Variants in RYR1 observed in about 807,000 individuals in gnomAD.
RYR1 encodes ryanodine receptor 1.
Under a neutral mutation model 583.5 loss-of-function variants are expected in RYR1, and 342 were observed. The ratio of observed to expected loss-of-function variants is 0.59; its 90% confidence interval spans 0.54 to 0.64. RYR1 has a LOEUF of 0.64. Among genes scored for constraint, RYR1 ranks in the 30% least tolerant of loss-of-function variants. The pLI is 0.00. For synonymous variants in RYR1, 2,791 were observed against 2,822.5 expected (o/e 0.99, Z 0.35); for missense variants, 6,032 against 6,917.2 (o/e 0.87, Z 4.54).
In RYR1 at chr19:38,473,423, T is replaced by G; in HGVS notation, c.3812T>G (p.Leu1271Arg). Reference protein sequence around the residue: ...GTVDTPPCLRLTHRTWGSQNS... With the variant: ...GTVDTPPCLRRTHRTWGSQNS... ...GTGGACACGCCCCCCTGCCTGCGCC[T>G]GACCCACCGCACCTGGGGCTCCCAG... The change falls in exon 28 of 106, where the codon CTG becomes CGG. Residue 1271 changes from leucine (L) to arginine (R), a missense_variant. Physicochemically the swap from Leu to Arg is moderately radical, Grantham distance 102. Transcript: ENST00000359596. 6.2e-7 allele frequency: 1 copy of G among 1,613,856 alleles called. No individual in the cohort carries two copies. Among genetic ancestry groups the G allele is most frequent in the Non-Finnish European group, 8.5e-7 (1 of 1,179,960 alleles).
At chr19:38,494,174 G>T (rs981759136) in intron 38 of RYR1, among the ~76,000 whole-genome samples, 178 bp from the exon 39 acceptor site, 3 of 151,950 alleles carry the variant, frequency 2.0e-5, no homozygotes, top group Admixed American at 6.5e-5. Context: ...GTCTCTAAAA[G>T]AAAAAAAGGA....
At chr19:38,511,699 A>G (rs1403255259) in intron 61 of RYR1, 89 bp downstream of exon 61, 2 of 1,469,232 alleles carry the variant, frequency 1.4e-6, no homozygotes, top group South Asian at 2.3e-5. Flanking sequence ...CTTAATTTGA[A>G]CAACCTTTGT....
At chr19:38,452,272 A>G (rs186157041) in intron 12 of RYR1, among the ~76,000 whole-genome samples, 1 of 151,968 alleles carries the variant, frequency 6.6e-6, no homozygotes, top group African/African-American at 2.4e-5. Context: ...CCCTGTCTCT[A>G]TAAAAAAAAT....
rs71165563 is a variant in RYR1, at chr19:38,566,448, C to CAAAA, written c.13438-437_13438-434dup. ...TGGGCGACAGAGCGAGACTCTGTCT[C>CAAAA]AAAAAAAAAAAAAAAAAAAAAAAAA... On this transcript the variant is annotated intron_variant, in intron 91 of 105. Transcript: ENST00000359596. Among the ~76,000 whole-genome samples the CAAAA allele has an allele frequency of 2.2e-3, 113 of 51,048 alleles. 6 individuals carry two copies. The highest frequency in any genetic ancestry group is 7.2e-3 in the African/African-American group (93 of 12,950). The allele number at this position is 51,048 out of a possible 152,430, so 33.5% of individuals were successfully genotyped here. A position where few individuals can be genotyped will look rare whatever the true frequency, so the allele number is the denominator to read the frequency against.
At chr19:38,456,149 T>A (rs1253761992) in intron 16 of RYR1, among the ~76,000 whole-genome samples, 1 of 144,910 alleles carries the variant, frequency 6.9e-6, no homozygotes, top group Non-Finnish European at 1.5e-5. Flanking sequence ...TTTTTGTATT[T>A]TTTTTTTAGT....
chr19:38,568,041 A>G, intron 93 of RYR1, 124 bp downstream of exon 93: 1 of 1,157,448 alleles, frequency 8.6e-7, no homozygotes. Flanking sequence ...GAAGAACCCT[A>G]GCTGGGGAAA....
intron 93 of RYR1, among the ~76,000 whole-genome samples, chr19:38,569,551 T>C (rs1230866911): frequency 2.2e-5 from 3 of 138,052 alleles, no homozygotes; most frequent in Non-Finnish European, 4.6e-5. Context: ...AGACCTTGAC[T>C]CAAAAAAAAA....
In RYR1 at chr19:38,448,765, T is replaced by C; in HGVS notation, c.1074T>C (p.Tyr358=). 1 of 1,614,162 alleles carries C rather than the reference T, an allele frequency of 6.2e-7. No homozygotes were observed. Among genetic ancestry groups the C allele is most frequent in the Non-Finnish European group, 8.5e-7 (1 of 1,180,030 alleles). ...QHVASGLWLT[Y]AAPDPKALRL... ...TGGCCTCAGGACTGTGGCTCACCTA[T>C]GCTGCTCCAGACCCCAAGGCCCTGC... The change falls in exon 11 of 106, where the codon TAT becomes TAC. Residue 358 remains tyrosine (Y), a synonymous_variant. Coordinates refer to ENST00000359596, the MANE Select transcript of RYR1 (RefSeq NM_000540.3).
At chr19:38,586,633 G>A in intron 105 of RYR1, 57 bp downstream of exon 105, 1 of 1,514,866 alleles carries the variant, frequency 6.6e-7, no homozygotes, top group Admixed American at 1.7e-5. Flanking sequence ...TTAACATAAG[G>A]CCAGTCAGTA....
At chr19:38,469,922 T>A (rs1487360920) in intron 27 of RYR1, among the ~76,000 whole-genome samples, 1 of 151,080 alleles carries the variant, frequency 6.6e-6, no homozygotes, top group East Asian at 2.0e-4. Context: ...AAAAAAAAAA[T>A]TAGCAAGGTG....
chr19:38,549,666 T>C (rs1296051092), intron 89 of RYR1, among the ~76,000 whole-genome samples: 3 of 151,402 alleles, frequency 2.0e-5, no homozygotes, highest in Admixed American at 1.3e-4. Context: ...TTCTATTTAC[T>C]ATTTACTCCA....
Position 38,502,908 on chromosome 19 carries a change from C to T in RYR1, c.7864C>T (p.Leu2622=), listed in dbSNP as rs370820784. 23 of 1,611,782 alleles carry T rather than the reference C, an allele frequency of 1.4e-5. 1 individual carries two copies. The highest frequency in any genetic ancestry group is 8.8e-5 in the South Asian group (8 of 91,082). ...RYIRPSMLQH[L]LRRLVFDVPI... ...CATCCGCCCGTCGATGCTGCAGCAC[C>T]TGTTGCGCCGCCTGGTGTTCGACGT... The change falls in exon 49 of 106, where the codon CTG becomes TTG. Residue 2622 remains leucine (L), a synonymous_variant. Transcript: ENST00000359596.
At chr19:38,479,873 T>G (rs6508804) in intron 31 of RYR1, among the ~76,000 whole-genome samples, 34,145 of 151,780 alleles carry the variant, frequency 0.22, 5,521 homozygotes, top group African/African-American at 0.45. Context: ...CGTGCCACCA[T>G]GCCCAGCTAA....
intron 51 of RYR1, 39 bp from the exon 52 acceptor site, chr19:38,504,963 AC>A: frequency 6.2e-7 from 1 of 1,613,824 alleles, no homozygotes; most frequent in Non-Finnish European, 8.5e-7. Flanking sequence ...GGTGGAGGGA[AC>A]CCCAGCTCCA....
chr19:38,520,609 C>T (rs923748201), intron 67 of RYR1, among the ~76,000 whole-genome samples: 5 of 149,244 alleles, frequency 3.4e-5, no homozygotes, highest in African/African-American at 7.4e-5. Flanking sequence ...GCAGGAGAAT[C>T]GCCTGAGCCT....
chr19:38,535,115 C>T (rs1184162304), intron 79 of RYR1, 26 bp from the exon 80 acceptor site: 42 of 1,609,772 alleles, frequency 2.6e-5, no homozygotes, highest in Non-Finnish European at 3.5e-5. Context: ...CTGGGTGGAC[C>T]ATCTTTTTTC....
intron 20 of RYR1, among the ~76,000 whole-genome samples, chr19:38,462,605 G>T (rs1446598567): frequency 9.9e-6 from 1 of 100,910 alleles, no homozygotes; most frequent in Non-Finnish European, 2.2e-5. Context: ...CCCTCTGCCA[G>T]GCATCGATAT....
chr19:38,483,126 T>C lies in RYR1; in HGVS notation c.4707+13T>C, dbSNP rs1015274846. On this transcript the variant is annotated intron_variant, in intron 32 of 105. Coordinates refer to ENST00000359596, the MANE Select transcript of RYR1 (RefSeq NM_000540.3). The surrounding 1 kb of genome is among the most constrained non-coding windows in gnomAD (Gnocchi z 6.3). ...GGGGAAGCAGAAGGTACAAGTGCAG[T>C]GATGGGGGCACTAATGGGGCCAGGC... 1.9e-6 allele frequency: 3 copies of C among 1,611,578 alleles called. No homozygotes were observed. In the African/African-American group the frequency reaches 4.0e-5, roughly 22 times the overall value.
chr19:38,569,092 G>A (rs1179055090), intron 93 of RYR1, among the ~76,000 whole-genome samples: 1 of 151,864 alleles, frequency 6.6e-6, no homozygotes, highest in Non-Finnish European at 1.5e-5. Context: ...CTCACTGCAA[G>A]CTCTGACTCC....
Sources: gnomAD v4.1 joint callset for allele counts (sites outside exome capture counted in the v4.1 genomes callset) on GRCh38, gnomAD v4.1.1 for gene constraint, Gnocchi (gnomAD v3.1) non-coding constraint, MANE v1.5 for transcripts, NCBI Gene and HGNC (gene_info 2026-07-23, HGNC 2026-07-21) for gene names.